CACNB2: variants seen among roughly 807,000 people sequenced by gnomAD.
CACNB2 encodes the protein voltage-dependent L-type calcium channel subunit beta-2.
A neutral mutation model predicts 73.3 loss-of-function variants in CACNB2; 42 were observed. The ratio of observed to expected loss-of-function variants is 0.57; its 90% CI spans 0.45 to 0.74. CACNB2 has a LOEUF of 0.74. Among genes scored for constraint, CACNB2 ranks in the 30% least tolerant of loss-of-function variants. The pLI is 0.00. For missense variants in CACNB2, 940 were observed against 853.0 expected, an observed-to-expected ratio of 1.10 and a Z score of -1.27; for synonymous variants, 348 against 310.3, an observed-to-expected ratio of 1.12 and a Z score of -1.28.
intron 1 of CACNB2, among the ~76,000 whole-genome samples, chr10:18,146,500 C>T (rs1251791154): frequency 6.6e-6 from 1 of 150,678 alleles, no homozygotes; most frequent in African/African-American, 2.4e-5. Flanking sequence ...TTTTTCGAGA[C>T]AGAATCTCGC....
chr10:18,528,422 T>G (rs376427219), intron 10 of CACNB2, among the ~76,000 whole-genome samples: 15 of 152,182 alleles, frequency 9.9e-5, no homozygotes, highest in East Asian at 5.8e-4. Flanking sequence ...CTGTTACACA[T>G]GTTGCTTACT....
intron 3 of CACNB2, among the ~76,000 whole-genome samples, chr10:18,449,843 G>A (rs79391771): frequency 6.6e-6 from 1 of 152,330 alleles, no homozygotes; most frequent in East Asian, 1.9e-4. Flanking sequence ...GATTGAGGAT[G>A]CAGGCCAGTT....
rs772752419 is a variant in CACNB2, at chr10:18,539,676, A to C, written c.1935A>C (p.Lys645Asn). The change falls in exon 14 of 14, where the codon AAA becomes AAC. Residue 645 changes from lysine to asparagine, a missense_variant. Lys to Asn is a moderately conservative substitution (Grantham distance 94). Transcript: ENST00000324631. The stretch of plus-strand genomic sequence containing the variant: ...AGGATGGAGAAGTGATATCAAAAAA[A>C]CGGAATGAGGCTGGGGAGTGGAACA... ...CEKDGEVISK[K>N]RNEAGEWNRD... 1.6e-5 allele frequency: 26 copies of C among 1,613,290 alleles called. 1 individual carries two copies. In the East Asian group the frequency reaches 5.6e-4, roughly 35 times the overall value.
At chr10:18,296,279 T>G (rs558905712) in intron 2 of CACNB2, among the ~76,000 whole-genome samples, 15 of 152,150 alleles carry the variant, frequency 9.9e-5, no homozygotes, top group Admixed American at 5.9e-4. Context: ...TCTCCTTTGT[T>G]CCCTTTCTGG....
At chr10:18,344,888 C>T (rs2041384104) in intron 2 of CACNB2, among the ~76,000 whole-genome samples, 1 of 152,184 alleles carries the variant, frequency 6.6e-6, no homozygotes, top group Non-Finnish European at 1.5e-5. Flanking sequence ...TATTGTACTG[C>T]AGTTCTTTTC....
chr10:18,363,646 G>A (rs2148185), intron 2 of CACNB2, among the ~76,000 whole-genome samples: 82,240 of 151,974 alleles, frequency 0.54, 22,926 homozygotes, highest in East Asian at 0.95. Flanking sequence ...TTTAAAATAT[G>A]TATATGACTA....
At chr10:18,217,291 C>G (rs746915689) in intron 2 of CACNB2, among the ~76,000 whole-genome samples, 2 of 152,114 alleles carry the variant, frequency 1.3e-5, no homozygotes, top group Non-Finnish European at 2.9e-5. Context: ...CGAGACCAGT[C>G]TGGCCAACAT....
chr10:18,210,997 T>C (rs1017513139), intron 2 of CACNB2, among the ~76,000 whole-genome samples: 11 of 152,160 alleles, frequency 7.2e-5, no homozygotes, highest in Non-Finnish European at 1.2e-4. Flanking sequence ...ACCATTGGAG[T>C]AGCTACTTTG....
chr10:18,140,634 T>A lies in CACNB2; in HGVS notation c.-103T>A. The A allele has an allele frequency of 2.0e-6, 2 of 1,023,148 alleles. No individual in the cohort carries two copies. The highest frequency in any genetic ancestry group is 2.9e-6 in the Non-Finnish European group (2 of 689,360). 63.4% of individuals were successfully genotyped at this position (1,023,148 alleles called of 1,614,324 possible). On this transcript the variant is annotated 5_prime_UTR_variant, in exon 1 of 14. Transcript: ENST00000324631. Reference sequence around the variant, plus strand: ...GCCGAGAACGGCCGGGCCTGAGCCCTGGGCGGCCCCCAGAGCCGATCAGAG... The same window carrying A: ...GCCGAGAACGGCCGGGCCTGAGCCCAGGGCGGCCCCCAGAGCCGATCAGAG...
chr10:18,199,237 A>C (rs2034764573), intron 2 of CACNB2, among the ~76,000 whole-genome samples: 1 of 152,256 alleles, frequency 6.6e-6, no homozygotes, highest in African/African-American at 2.4e-5. Flanking sequence ...TCAAGGTTCT[A>C]GAAATTGCAA....
chr10:18,427,105 G>A (rs543649306), intron 3 of CACNB2, among the ~76,000 whole-genome samples: 16 of 151,774 alleles, frequency 1.1e-4, no homozygotes, highest in Non-Finnish European at 8.8e-5. Context: ...ACAGGCATGC[G>A]CCACCACGCC....
At chr10:18,194,926 A>C (rs897203820) in intron 2 of CACNB2, among the ~76,000 whole-genome samples, 1 of 152,222 alleles carries the variant, frequency 6.6e-6, no homozygotes, top group African/African-American at 2.4e-5. Context: ...TCATTTCAGA[A>C]ATAAGAATTG....
intron 3 of CACNB2, among the ~76,000 whole-genome samples, chr10:18,449,134 C>G (rs1014865308): frequency 6.6e-6 from 1 of 152,184 alleles, no homozygotes; most frequent in Non-Finnish European, 1.5e-5. Context: ...CCTGTAATCC[C>G]AGCACTTTGG....
intron 2 of CACNB2, among the ~76,000 whole-genome samples, chr10:18,220,217 A>AGAGAGAGAGAGGG (rs2035705292): frequency 1.8e-5 from 1 of 54,556 alleles, no homozygotes; most frequent in Non-Finnish European, 3.2e-5. Context: ...ATATATATAT[A>AGAGAGAGAGAGGG]TATATATATA....
chr10:18,150,537 C>T (rs556632172), intron 1 of CACNB2, among the ~76,000 whole-genome samples: 192 of 152,306 alleles, frequency 1.3e-3, no homozygotes, highest in African/African-American at 4.3e-3. Context: ...GTGGCACATG[C>T]TTGTAATCCC....
chr10:18,410,584 C>T (rs1245174471), intron 3 of CACNB2, among the ~76,000 whole-genome samples: 2 of 152,214 alleles, frequency 1.3e-5, no homozygotes, highest in Non-Finnish European at 2.9e-5. Context: ...GAAATATACA[C>T]ATATGTCTAT....
chr10:18,453,744 C>T (rs145262975), intron 3 of CACNB2, among the ~76,000 whole-genome samples: 18 of 152,310 alleles, frequency 1.2e-4, no homozygotes, highest in Admixed American at 8.5e-4. Flanking sequence ...ATTCTTGTGC[C>T]TCAGCCTCCC....
intron 2 of CACNB2, among the ~76,000 whole-genome samples, chr10:18,399,867 A>G (rs2043902823): frequency 6.6e-6 from 1 of 152,212 alleles, no homozygotes; most frequent in South Asian, 2.1e-4. Context: ...AGTACAGGAA[A>G]TTAATAACTT....
intron 2 of CACNB2, among the ~76,000 whole-genome samples, chr10:18,237,795 A>G (rs1304435110): frequency 6.6e-6 from 1 of 152,254 alleles, no homozygotes; most frequent in Non-Finnish European, 1.5e-5. Context: ...GGGTAATGGT[A>G]TGCACCAGTG....
Sources: gnomAD v4.1 joint callset for allele counts (sites outside exome capture counted in the v4.1 genomes callset) on GRCh38, gnomAD v4.1.1 for gene constraint, MANE v1.5 for transcripts, NCBI Gene and HGNC (gene_info 2026-07-23, HGNC 2026-07-21) for gene names.